Variants in ZMAT5 observed in about 807,000 individuals in gnomAD.
ZMAT5 encodes the protein zinc finger matrin-type 5, also known as zinc finger matrin-type protein 5.
Under a neutral mutation model 28.0 loss-of-function variants are expected in ZMAT5, and 23 were observed. The ratio of observed to expected loss-of-function variants is 0.82; its 90% CI spans 0.59 to 1.16. The LOEUF (loss-of-function observed/expected upper bound fraction) is 1.16, where lower values mean the gene tolerates loss of function less well. Among genes scored for constraint, ZMAT5 ranks in the 50% most tolerant of loss-of-function variants. The pLI, the probability that ZMAT5 is intolerant of heterozygous loss-of-function variation, is 0.00. For missense variants in ZMAT5, 173 were observed against 212.7 expected (o/e 0.81, Z 1.16); for synonymous variants, 76 against 84.1 (o/e 0.90, Z 0.52).
intron 1 of ZMAT5, among the ~76,000 whole-genome samples, chr22:29,766,328 GTC>G (rs1251895088): frequency 6.6e-6 from 1 of 152,136 alleles, no homozygotes; most frequent in African/African-American, 2.4e-5. Context: ...ATTCATTCAG[GTC>G]TCTAGTCAAG....
intron 1 of ZMAT5, among the ~76,000 whole-genome samples, chr22:29,760,375 CAA>C (rs131280): frequency 1.3e-4 from 13 of 98,472 alleles, no homozygotes; most frequent in Admixed American, 2.4e-4. Context: ...TCCTCTGTCT[CAA>C]AAAAAAAAAA....
intron 1 of ZMAT5, among the ~76,000 whole-genome samples, chr22:29,751,002 G>GCA: frequency 6.6e-6 from 1 of 152,300 alleles, no homozygotes; most frequent in South Asian, 2.1e-4. Flanking sequence ...TCCCAGACAC[G>GCA]CACACTTGAT....
chr22:29,764,176 G>A (rs1291980009), intron 1 of ZMAT5, among the ~76,000 whole-genome samples: 2 of 152,090 alleles, frequency 1.3e-5, no homozygotes, highest in African/African-American at 4.8e-5. Flanking sequence ...AATGAAACAA[G>A]CCACACCTTT....
chr22:29,764,414 AC>A, intron 1 of ZMAT5, among the ~76,000 whole-genome samples: 1 of 152,354 alleles, frequency 6.6e-6, no homozygotes, highest in Non-Finnish European at 1.5e-5. Context: ...ACCTGGTATT[AC>A]TGTTGCTCTT....
In ZMAT5 at chr22:29,740,694, T is replaced by C. The variant is rs751344843; in HGVS notation, c.227A>G (p.His76Arg). The change falls in exon 4 of 6, where the codon CAC becomes CGC. Residue 76 changes from histidine to arginine, a missense_variant. His to Arg is a conservative substitution (Grantham distance 29, BLOSUM62 0). Transcript: ENST00000344318. ...CDFGSNCRFS[H>R]MSERDLQELS... Reference sequence around the variant, plus strand: ...CTCCTGCAGGTCTCGCTCTGACATGTGGGAAAATCTGCAGTTGGAGCCAAA... The same window carrying C: ...CTCCTGCAGGTCTCGCTCTGACATGCGGGAAAATCTGCAGTTGGAGCCAAA... The C allele has an allele frequency of 3.1e-6, 5 of 1,604,750 alleles. No individual in the cohort carries two copies. In the Admixed American group the frequency reaches 6.8e-5, roughly 22 times the overall value.
In ZMAT5 at chr22:29,731,000, C is replaced by G. The variant is rs1398789956; in HGVS notation, c.*225G>C. ...TATAAACATTTGGAAGTTTTCTCCC[C>G]CATCTTCTTAAGAAGCAGGGGGGCA... On this transcript the variant is annotated 3_prime_UTR_variant, in exon 6 of 6. Coordinates refer to ENST00000344318, the MANE Select transcript of ZMAT5 (RefSeq NM_001003692.2). 7.4e-5 allele frequency: 31 copies of G among 416,504 alleles called. No individual in the cohort carries two copies. In the East Asian group the frequency reaches 1.2e-3, roughly 15 times the overall value. The allele number at this position is 416,504 out of a possible 1,614,324, so 25.8% of individuals were successfully genotyped here. A position where few individuals can be genotyped will look rare whatever the true frequency, so the allele number is the denominator to read the frequency against.
chr22:29,732,084 G>A (rs866349312), intron 5 of ZMAT5, among the ~76,000 whole-genome samples: 154 of 152,298 alleles, frequency 1.0e-3, no homozygotes, highest in African/African-American at 3.0e-3. Flanking sequence ...TGCCCAGCCC[G>A]GGGCACCCTG....
Position 29,743,662 on chromosome 22 carries a change from G to A in ZMAT5, c.128-1182C>T, listed in dbSNP as rs536975212. 2.8e-4 allele frequency among the ~76,000 whole-genome samples: 42 copies of A among 152,208 alleles called. No homozygotes were observed. In the South Asian group the frequency reaches 2.9e-3, roughly 11 times the overall value. The stretch of plus-strand genomic sequence containing the variant: ...ACCCAGGCTGGTCTCGAACTCCTGG[G>A]CTCAAGCGATCCTCCCCACTTGGCC... On this transcript the variant is annotated intron_variant, in intron 2 of 5. Transcript: ENST00000344318.
intron 1 of ZMAT5, among the ~76,000 whole-genome samples, chr22:29,752,690 G>A (rs1205803181): frequency 1.3e-5 from 2 of 152,232 alleles, no homozygotes; most frequent in East Asian, 3.9e-4. Flanking sequence ...GTGATCAGAT[G>A]AGAAGATGCC....
chr22:29,742,477 G>GC lies in ZMAT5; in HGVS notation c.130dup (p.Ala44GlyfsTer8), dbSNP rs1444173905. On this transcript the variant is annotated frameshift_variant, in exon 3 of 6. Transcript: ENST00000344318. LOFTEE classifies it high-confidence loss of function. ...CTGCTCATCCAGCAAGATGGCAGCTGCATCTGCGAGAGAAGAGAGGGACGG... is the reference window on the plus strand; with the variant it reads ...CTGCTCATCCAGCAAGATGGCAGCTGCCATCTGCGAGAGAAGAGAGGGACGG... The GC allele has an allele frequency of 5.6e-6, 9 of 1,612,396 alleles. No homozygotes were observed. The African/African-American group carries it at 1.2e-4, about 22-fold the overall frequency.
chr22:29,743,071 G>A (rs2067978299), intron 2 of ZMAT5, among the ~76,000 whole-genome samples: 1 of 152,108 alleles, frequency 6.6e-6, no homozygotes, highest in East Asian at 1.9e-4. Context: ...TAGGAATACA[G>A]GTGTGAGCCA....
rs559059279 is a variant in ZMAT5, at chr22:29,750,399, C to A, written c.-27-1828G>T. On this transcript the variant is annotated intron_variant, in intron 1 of 5. Coordinates refer to ENST00000344318, the MANE Select transcript of ZMAT5 (RefSeq NM_001003692.2). ...TCACTAAATTATCAGGTGGCAGGTC[C>A]GAATCCAGTCACAGAGGGAAATGAA... 4.6e-5 allele frequency among the ~76,000 whole-genome samples: 7 copies of A among 152,128 alleles called. No homozygotes were observed. The South Asian group carries it at 1.4e-3, about 31-fold the overall frequency.
chr22:29,745,891 G>A (rs2068005064), intron 2 of ZMAT5, among the ~76,000 whole-genome samples: 1 of 152,248 alleles, frequency 6.6e-6, no homozygotes, highest in Non-Finnish European at 1.5e-5. Flanking sequence ...TCCTGAGGAA[G>A]TGGAAAGAGG....
At chr22:29,759,182 T>C (rs1238407999) in intron 1 of ZMAT5, among the ~76,000 whole-genome samples, 1 of 151,632 alleles carries the variant, frequency 6.6e-6, no homozygotes, top group African/African-American at 2.4e-5. Context: ...GAGGCCAGAG[T>C]TTCCAAATAG....
At chr22:29,759,589 AC>A (rs756500143) in intron 1 of ZMAT5, among the ~76,000 whole-genome samples, 1 of 151,976 alleles carries the variant, frequency 6.6e-6, no homozygotes, top group African/African-American at 2.4e-5. Context: ...ACATAGTGAG[AC>A]CCCGTCTCTA....
At chr22:29,758,242 T>A (rs1267376812) in intron 1 of ZMAT5, among the ~76,000 whole-genome samples, 2 of 152,152 alleles carry the variant, frequency 1.3e-5, no homozygotes, top group Non-Finnish European at 2.9e-5. Context: ...GACTGCAACC[T>A]CCCAAGAGAC....
At position 29,738,339 on chromosome 22, in the gene ZMAT5, G is replaced by C; in HGVS notation, c.374C>G (p.Pro125Arg). Residue 125 changes from proline to arginine, a missense_variant, in exon 5 of 6, where the codon CCA (proline) becomes CGA (arginine). Transcript: ENST00000344318. ...CCCTGGGGACCTGTACCTGCTACTTGGGGCTGAGCTCAGCCGCTTGGCTCT... is the reference window on the plus strand; with the variant it reads ...CCCTGGGGACCTGTACCTGCTACTTCGGGCTGAGCTCAGCCGCTTGGCTCT... ...EKRAKRLSSAPSSRAEPIRTT... is the reference protein window; with the variant it reads ...EKRAKRLSSARSSRAEPIRTT... 2 of 1,609,478 alleles carry C rather than the reference G, an allele frequency of 1.2e-6. No homozygotes were observed. The highest frequency in any genetic ancestry group is 1.7e-6 in the Non-Finnish European group (2 of 1,179,802).
intron 5 of ZMAT5, among the ~76,000 whole-genome samples, chr22:29,736,064 G>A (rs2067901201): frequency 1.3e-5 from 2 of 152,238 alleles, no homozygotes; most frequent in South Asian, 2.1e-4. Context: ...AGTGGCTGGT[G>A]CAACTCGGTT....
In ZMAT5 at chr22:29,766,120, C is replaced by G. The variant is rs143974806; in HGVS notation, c.-28+752G>C. ...CTTGAGCCCAGGAGTTGGAGACCAG[C>G]CTGGGCAACACAGTGAGACCCTGTC... On this transcript the variant is annotated intron_variant, in intron 1 of 5. Transcript: ENST00000344318. Among the ~76,000 whole-genome samples, 240 of 152,278 alleles carry G rather than the reference C, an allele frequency of 1.6e-3. 1 individual carries two copies. The highest frequency in any genetic ancestry group is 5.4e-3 in the African/African-American group (225 of 41,550).
Sources: allele counts gnomAD v4.1 joint callset (sites outside exome capture counted in the v4.1 genomes callset), GRCh38; gene constraint gnomAD v4.1.1; transcripts MANE v1.5; gene names NCBI Gene and HGNC (gene_info 2026-07-23, HGNC 2026-07-21).